The following QRFPR variants were observed in gnomAD, a reference collection of about 807,000 sequenced individuals.
QRFPR encodes pyroglutamylated RF-amide peptide receptor.
QRFPR carries 37 observed loss-of-function variants against 31.3 expected under a neutral mutation model. The observed-to-expected ratio is 1.18, with a 90% CI of 0.91 to 1.56. The LOEUF (loss-of-function observed/expected upper bound fraction) is 1.56. Ranked by LOEUF, QRFPR falls within the 40% of genes most tolerant of loss-of-function variation. The pLI, the probability that QRFPR is intolerant of heterozygous loss-of-function variation, is 0.00. For missense variants in QRFPR, 542 were observed against 532.5 expected (o/e 1.02, Z -0.18); for synonymous variants, 197 against 192.0 (o/e 1.03, Z -0.22).
Position 121,364,975 on chromosome 4 carries a change from T to C in QRFPR, c.340+15333A>G, listed in dbSNP as rs549850592. On this transcript the variant is annotated intron_variant, in intron 1 of 5. Coordinates refer to ENST00000394427, the MANE Select transcript of QRFPR (RefSeq NM_198179.3). Reference sequence around the variant, plus strand: ...GCCCTGGAGATTCAGGAATTCTTTATGCTGAGCTCCATACAGCTGTTTTTT... The same window carrying C: ...GCCCTGGAGATTCAGGAATTCTTTACGCTGAGCTCCATACAGCTGTTTTTT... 6.0e-5 allele frequency among the ~76,000 whole-genome samples: 9 copies of C among 150,070 alleles called. 2 individuals are homozygous for C. The South Asian group carries it at 1.3e-3, about 21-fold the overall frequency.
chr4:121,351,208 C>G (rs1168629588), intron 1 of QRFPR, among the ~76,000 whole-genome samples: 2 of 152,136 alleles, frequency 1.3e-5, no homozygotes. Flanking sequence ...TAGGAGCTGT[C>G]CCCTGGAAAA....
At chr4:121,378,407 CTTT>C in intron 1 of QRFPR, among the ~76,000 whole-genome samples, 1 of 100,916 alleles carries the variant, frequency 9.9e-6, no homozygotes, top group African/African-American at 4.3e-5. Context: ...GCTCACTGCA[CTTT>C]TTTTTTTTTT....
intron 1 of QRFPR, among the ~76,000 whole-genome samples, chr4:121,365,620 AT>A (rs1560744190): frequency 2.2e-4 from 2 of 9,154 alleles, no homozygotes; most frequent in Non-Finnish European, 3.5e-4. Flanking sequence ...TATTATATAT[AT>A]TATATATTAT....
chr4:121,365,528 A>ATAT lies in QRFPR; in HGVS notation c.340+14777_340+14779dup, dbSNP rs1579586827. On this transcript the variant is annotated intron_variant, in intron 1 of 5. Transcript: ENST00000394427. The stretch of plus-strand genomic sequence containing the variant: ...ATATATAATATATATTATATATATT[A>ATAT]TATATAATATATATTATATATAATA... 1.3e-3 allele frequency among the ~76,000 whole-genome samples: 6 copies of ATAT among 4,780 alleles called. No individual in the cohort carries two copies. The East Asian group carries it at 0.1, about 80-fold the overall frequency. The allele number at this position is 4,780 out of a possible 152,430, so 3.1% of individuals were successfully genotyped here.
intron 5 of QRFPR, among the ~76,000 whole-genome samples, 173 bp downstream of exon 5, chr4:121,330,253 T>C (rs1338229185): frequency 6.6e-6 from 1 of 152,218 alleles, no homozygotes; most frequent in Non-Finnish European, 1.5e-5. Context: ...GTCATAGTCA[T>C]ACACAATGAC....
rs1467879708 is a variant in QRFPR, at chr4:121,365,629, T to A, written c.340+14679A>T. 9.7e-3 allele frequency among the ~76,000 whole-genome samples: 42 copies of A among 4,340 alleles called. 5 individuals are homozygous for A. The highest frequency in any genetic ancestry group is 0.027 in the African/African-American group (41 of 1,534). The allele number at this position is 4,340 out of a possible 152,430, so 2.8% of individuals were successfully genotyped here. ...TATATATATTATATATATTATATAT[T>A]ATATATATATTTTATATATTATATA... On this transcript the variant is annotated intron_variant, in intron 1 of 5. Coordinates refer to ENST00000394427, the MANE Select transcript of QRFPR (RefSeq NM_198179.3).
At chr4:121,377,269 G>T (rs181670606) in intron 1 of QRFPR, among the ~76,000 whole-genome samples, 25 of 152,256 alleles carry the variant, frequency 1.6e-4, no homozygotes, top group East Asian at 9.7e-4. Context: ...CTGCAATCCT[G>T]CCCCCTTTAG....
At chr4:121,370,815 G>A (rs778943763) in intron 1 of QRFPR, among the ~76,000 whole-genome samples, 9 of 152,152 alleles carry the variant, frequency 5.9e-5, no homozygotes, top group Non-Finnish European at 1.0e-4. Context: ...AATCAAATGG[G>A]AAGTAAGAAG....
At chr4:121,376,276 C>T (rs1432178349) in intron 1 of QRFPR, among the ~76,000 whole-genome samples, 1 of 152,140 alleles carries the variant, frequency 6.6e-6, no homozygotes, top group Admixed American at 6.5e-5. Flanking sequence ...GAGAGTGAGT[C>T]AACTGGTAGA....
At chr4:121,345,794 GC>G (rs888285670) in intron 1 of QRFPR, among the ~76,000 whole-genome samples, 9 of 152,086 alleles carry the variant, frequency 5.9e-5, no homozygotes, top group Non-Finnish European at 1.2e-4. Context: ...TATCCACTCA[GC>G]CACCACCACA....
chr4:121,370,799 T>C (rs1409740735), intron 1 of QRFPR, among the ~76,000 whole-genome samples: 1 of 152,244 alleles, frequency 6.6e-6, no homozygotes, highest in Non-Finnish European at 1.5e-5. Context: ...ATATGCTTCA[T>C]AGAGAAATCA....
chr4:121,368,522 C>T (rs1274922554), intron 1 of QRFPR, among the ~76,000 whole-genome samples: 2 of 150,400 alleles, frequency 1.3e-5, no homozygotes, highest in African/African-American at 4.9e-5. Context: ...AGAGGCCCCA[C>T]ATGAAGAACT....
At chr4:121,366,478 T>C (rs745521718) in intron 1 of QRFPR, among the ~76,000 whole-genome samples, 2 of 149,666 alleles carry the variant, frequency 1.3e-5, no homozygotes, top group African/African-American at 2.5e-5. Context: ...TTCTATTCTC[T>C]CTCTCTCTTT....
At chr4:121,370,471 A>G in intron 1 of QRFPR, 1 of 497,890 alleles carries the variant, frequency 2.0e-6, no homozygotes, top group South Asian at 1.8e-5. Context: ...AAATTAGCAA[A>G]ACTTCCCAGG....
chr4:121,365,601 TAA>T (rs1406833554), intron 1 of QRFPR, among the ~76,000 whole-genome samples: 466 of 18,598 alleles, frequency 0.025, 21 homozygotes, highest in African/African-American at 0.087. Context: ...TATATATATA[TAA>T]TATATATATT....
intron 2 of QRFPR, among the ~76,000 whole-genome samples, chr4:121,338,733 A>G (rs1725481734): frequency 6.6e-6 from 1 of 152,236 alleles, no homozygotes; most frequent in African/African-American, 2.4e-5. Context: ...ACATTAGACC[A>G]CAGTTCACAA....
At chr4:121,354,816 A>G (rs558357881) in intron 1 of QRFPR, among the ~76,000 whole-genome samples, 16 of 152,100 alleles carry the variant, frequency 1.1e-4, no homozygotes, top group African/African-American at 7.2e-5. Context: ...TTCATATGAT[A>G]TGAAATGATC....
intron 1 of QRFPR, among the ~76,000 whole-genome samples, chr4:121,360,472 A>G (rs1725967790): frequency 1.3e-5 from 2 of 152,006 alleles, no homozygotes; most frequent in Non-Finnish European, 1.5e-5. Flanking sequence ...CTGAGTTCTG[A>G]TGGGTTTAAT....
intron 1 of QRFPR, among the ~76,000 whole-genome samples, chr4:121,372,295 G>T (rs544678919): frequency 6.6e-6 from 1 of 152,256 alleles, no homozygotes; most frequent in African/African-American, 2.4e-5. Context: ...AGTTCTATGG[G>T]TAAGACAGCA....
Sources: allele counts gnomAD v4.1 joint callset (sites outside exome capture counted in the v4.1 genomes callset), GRCh38; gene constraint gnomAD v4.1.1; transcripts MANE v1.5; gene names NCBI Gene and HGNC (gene_info 2026-07-23, HGNC 2026-07-21).